NLGN1: variants seen among roughly 807,000 people sequenced by gnomAD.
NLGN1 encodes the protein neuroligin-1.
NLGN1 carries 12 observed loss-of-function variants against 65.5 expected under a neutral mutation model. That is an observed-to-expected ratio of 0.18 (90% CI 0.12 to 0.30). The LOEUF is 0.30. NLGN1 is among the 10% of genes least tolerant of loss of function. The probability of loss-of-function intolerance (pLI) is 1.00; values close to 1 mark genes in which losing one functional copy is unlikely to be tolerated. For synonymous variants in NLGN1, 350 were observed against 359.5 expected, an observed-to-expected ratio of 0.97 and a Z score of 0.30; for missense variants, 750 against 1,007.1, an observed-to-expected ratio of 0.74 and a Z score of 3.46.
chr3:174,010,724 C>A (rs572888799), intron 4 of NLGN1, among the ~76,000 whole-genome samples: 1 of 152,194 alleles, frequency 6.6e-6, no homozygotes, highest in African/African-American at 2.4e-5. Context: ...ATCAAAATTT[C>A]TTGTCTCTGC....
At chr3:173,655,070 G>A (rs1172290459) in intron 3 of NLGN1, among the ~76,000 whole-genome samples, 1 of 152,082 alleles carries the variant, frequency 6.6e-6, no homozygotes, top group Admixed American at 6.6e-5. Context: ...TACTCATAAA[G>A]CACAAAGGAA....
intron 4 of NLGN1, among the ~76,000 whole-genome samples, chr3:174,081,089 A>C (rs1431149203): frequency 2.0e-5 from 3 of 152,092 alleles, no homozygotes; most frequent in Non-Finnish European, 4.4e-5. Context: ...GATCATGTTC[A>C]TCAGTGGATA....
rs186848842 is a variant in NLGN1, at chr3:173,601,268, A to G, written c.-320-3011A>G. On this transcript the variant is annotated intron_variant, in intron 2 of 6. Transcript: ENST00000457714. ...ATACAAAAGAATACAGGGAATTCAA[A>G]TACTAAAGTTTTGTCAAACTTGCTG... Among the ~76,000 whole-genome samples the G allele has an allele frequency of 3.9e-5, 6 of 152,132 alleles. No individual in the cohort carries two copies. The East Asian group carries it at 1.2e-3, about 29-fold the overall frequency.
In NLGN1 at chr3:173,747,801, C is replaced by CTTCTTCTTTTTTTTTTTTTTTTT. The variant is rs1775714048; in HGVS notation, c.494-59877_494-59876insCTTCTTTTTTTTTTTTTTTTTTT. On this transcript the variant is annotated intron_variant, in intron 3 of 6. Coordinates refer to ENST00000457714, the Ensembl canonical transcript of NLGN1. ...AATTTTCTTTCTTCTTCTTCTTGTT[C>CTTCTTCTTTTTTTTTTTTTTTTT]TTTTTTTTTTTTTTTTTTTTTTTTT... 4.7e-5 allele frequency among the ~76,000 whole-genome samples: 3 copies of CTTCTTCTTTTTTTTTTTTTTTTT among 64,422 alleles called. 1 individual carries two copies. The highest frequency in any genetic ancestry group is 1.9e-4 in the African/African-American group (3 of 16,084). 42.3% of individuals were successfully genotyped at this position (64,422 alleles called of 152,430 possible).
intron 4 of NLGN1, among the ~76,000 whole-genome samples, chr3:173,811,800 T>C (rs1718010662): frequency 6.6e-6 from 1 of 152,152 alleles, no homozygotes; most frequent in Non-Finnish European, 1.5e-5. Flanking sequence ...ATAGAAATTA[T>C]TTAAGTGATA....
intron 4 of NLGN1, among the ~76,000 whole-genome samples, chr3:174,210,533 G>A (rs1387651926): frequency 1.3e-5 from 2 of 152,182 alleles, no homozygotes; most frequent in African/African-American, 2.4e-5. Context: ...ATTTTCTGAG[G>A]CCCTGAAATG....
chr3:174,161,061 T>G (rs970094194), intron 4 of NLGN1, among the ~76,000 whole-genome samples: 5 of 151,884 alleles, frequency 3.3e-5, no homozygotes, highest in African/African-American at 1.2e-4. Context: ...TAGTCATTTC[T>G]GTTTTCATAG....
chr3:173,959,573 A>G (rs1048255015), intron 4 of NLGN1, among the ~76,000 whole-genome samples: 1 of 152,258 alleles, frequency 6.6e-6, no homozygotes. Context: ...GAGGAATTAC[A>G]TAAACATTGA....
intron 4 of NLGN1, among the ~76,000 whole-genome samples, chr3:174,093,879 C>T (rs992188390): frequency 9.2e-5 from 14 of 152,070 alleles, no homozygotes; most frequent in Non-Finnish European, 1.5e-5. Context: ...CAGACATTTC[C>T]TTTTTTTCCC....
chr3:173,674,501 G>C (rs1033779289), intron 3 of NLGN1, among the ~76,000 whole-genome samples: 1 of 152,002 alleles, frequency 6.6e-6, no homozygotes, highest in African/African-American at 2.4e-5. Context: ...GCTATATCTT[G>C]GGCTGAAGTG....
chr3:174,242,176 C>A (rs1743005089), intron 4 of NLGN1, among the ~76,000 whole-genome samples: 1 of 152,060 alleles, frequency 6.6e-6, no homozygotes, highest in African/African-American at 2.4e-5. Context: ...TAGAGTGCAT[C>A]GGGATTGAAT....
At position 173,447,591 on chromosome 3, in the gene NLGN1, G is replaced by C. The variant is rs145899103; in HGVS notation, c.-321+12513G>C. On this transcript the variant is annotated intron_variant, in intron 2 of 6. Transcript: ENST00000457714. Reference sequence around the variant, plus strand: ...ATGAACTTTAGTTTTTTCCAATTCTGTGAAGAAAGTCATTGGTAGCTTGAT... The same window carrying C: ...ATGAACTTTAGTTTTTTCCAATTCTCTGAAGAAAGTCATTGGTAGCTTGAT... Among the ~76,000 whole-genome samples the C allele has an allele frequency of 8.3e-3, 1,265 of 152,248 alleles. 18 individuals are homozygous for C. The highest frequency in any genetic ancestry group is 0.029 in the African/African-American group (1,215 of 41,542).
chr3:173,656,709 G>A (rs1760098671), intron 3 of NLGN1, among the ~76,000 whole-genome samples: 1 of 151,922 alleles, frequency 6.6e-6, no homozygotes, highest in Non-Finnish European at 1.5e-5. Flanking sequence ...TACATTCCAG[G>A]TCCTCAGCTC....
chr3:173,426,397 T>A (rs1716112897), intron 1 of NLGN1, among the ~76,000 whole-genome samples: 1 of 152,052 alleles, frequency 6.6e-6, no homozygotes, highest in East Asian at 1.9e-4. Flanking sequence ...ACTAGGTATC[T>A]TTTTCGTTTT....
At chr3:173,652,609 T>C (rs565625547) in intron 3 of NLGN1, among the ~76,000 whole-genome samples, 156 of 152,334 alleles carry the variant, frequency 1.0e-3, no homozygotes, top group Admixed American at 2.7e-3. Flanking sequence ...TCTATTTGTC[T>C]GTTTGTATAC....
rs143531791 is a variant in NLGN1 at position 174,203,733 on chromosome 3, T to A, written c.647-71582T>A. On this transcript the variant is annotated intron_variant, in intron 4 of 6. Transcript: ENST00000457714. ...TGTAATTGTAGCTCATAAAGCAGGA[T>A]CTTTTCCATAGATACATATTTTTCA... Among the ~76,000 whole-genome samples the A allele has an allele frequency of 9.8e-5, 15 of 152,344 alleles. No individual in the cohort carries two copies. In the East Asian group the frequency reaches 2.9e-3, roughly 29 times the overall value.
intron 4 of NLGN1, among the ~76,000 whole-genome samples, chr3:174,046,385 T>TA (rs1218772510): frequency 2.6e-5 from 4 of 151,926 alleles, no homozygotes; most frequent in African/African-American, 9.7e-5. Flanking sequence ...TTTTTTTTTT[T>TA]ACTGTATTAT....
chr3:173,532,131 C>T (rs1736675639), intron 2 of NLGN1, among the ~76,000 whole-genome samples: 1 of 152,162 alleles, frequency 6.6e-6, no homozygotes, highest in African/African-American at 2.4e-5. Context: ...TTGTTAAAAT[C>T]CCAGAGCTTT....
intron 4 of NLGN1, among the ~76,000 whole-genome samples, chr3:174,199,917 T>C (rs1734129508): frequency 6.6e-6 from 1 of 152,214 alleles, no homozygotes; most frequent in African/African-American, 2.4e-5. Flanking sequence ...AGCTTAGTAA[T>C]TTACCCAAAG....
Sources: allele counts gnomAD v4.1 joint callset (sites outside exome capture counted in the v4.1 genomes callset), GRCh38; gene constraint gnomAD v4.1.1; transcripts MANE v1.5; gene names NCBI Gene and HGNC (gene_info 2026-07-23, HGNC 2026-07-21).